The following TLN2 variants were observed in gnomAD, a reference collection of about 807,000 sequenced individuals.
The protein encoded by TLN2 is talin-2.
TLN2 carries 118 observed loss-of-function variants against 294.7 expected under a neutral mutation model. The ratio of observed to expected loss-of-function variants is 0.40; its 90% CI spans 0.34 to 0.47. The LOEUF (loss-of-function observed/expected upper bound fraction) is 0.47. Among genes scored for constraint, TLN2 ranks in the 20% least tolerant of loss-of-function variants. The probability of loss-of-function intolerance (pLI) is 0.84; values close to 1 mark genes in which losing one functional copy is unlikely to be tolerated. For missense variants in TLN2, 3,083 were observed against 3,282.2 expected, an observed-to-expected ratio of 0.94 and a Z score of 1.48; for synonymous variants, 1,431 against 1,304.5, an observed-to-expected ratio of 1.10 and a Z score of -2.09.
intron 2 of TLN2, among the ~76,000 whole-genome samples, chr15:62,606,671 G>A (rs1165434677): frequency 6.6e-6 from 1 of 152,074 alleles, no homozygotes; most frequent in Non-Finnish European, 1.5e-5. Flanking sequence ...TTTTCATCTG[G>A]ATAAGTACAG....
At position 62,644,508 on chromosome 15, in the gene TLN2, G is replaced by C. The variant is rs117815179; in HGVS notation, c.-36-2767G>C. ...ACCTCTCCACTGAATACCTCTCAAG[G>C]AAACTCACCTCCAAATCTTTGTCCC... On this transcript the variant is annotated intron_variant, in intron 3 of 58. Coordinates refer to ENST00000636159, the MANE Select transcript of TLN2 (RefSeq NM_015059.3). The C allele has an allele frequency of 4.3e-3, 1,982 of 455,968 alleles. 2 individuals carry two copies. Among genetic ancestry groups the C allele is most frequent in the Non-Finnish European group, 6.6e-3 (1,501 of 226,792 alleles). The allele number at this position is 455,968 out of a possible 1,614,324, so 28.2% of individuals were successfully genotyped here.
chr15:62,609,319 C>T (rs914319302), intron 2 of TLN2, among the ~76,000 whole-genome samples: 12 of 152,168 alleles, frequency 7.9e-5, no homozygotes, highest in African/African-American at 2.9e-4. Context: ...AAAGGATATT[C>T]TTGAACACAG....
At chr15:62,811,622 C>T (rs746326115) in intron 52 of TLN2, among the ~76,000 whole-genome samples, 17 of 152,192 alleles carry the variant, frequency 1.1e-4, no homozygotes, top group Non-Finnish European at 1.5e-4. Context: ...ATCTGGGGTG[C>T]AGTTTCCTCA....
chr15:62,393,881 C>T (rs1417002656), intron 1 of TLN2, among the ~76,000 whole-genome samples: 2 of 146,706 alleles, frequency 1.4e-5, no homozygotes, highest in Non-Finnish European at 1.5e-5. Flanking sequence ...TGGAGTCTTG[C>T]TCTGTCACCT....
intron 2 of TLN2, among the ~76,000 whole-genome samples, chr15:62,613,060 T>C (rs1157174665): frequency 6.6e-6 from 1 of 152,216 alleles, no homozygotes; most frequent in East Asian, 1.9e-4. Flanking sequence ...GTTCAAATCC[T>C]GACCCTACCG....
At chr15:62,805,398 G>A (rs1395643252) in intron 50 of TLN2, among the ~76,000 whole-genome samples, 1 of 152,210 alleles carries the variant, frequency 6.6e-6, no homozygotes, top group Non-Finnish European at 1.5e-5. Context: ...AATGTTTAGT[G>A]TAGGTGCAAG....
rs995229553 is a variant in TLN2 at position 62,651,603 on chromosome 15, G to T, written c.235-402G>T. On this transcript the variant is annotated intron_variant, in intron 5 of 58. Transcript: ENST00000636159. ...AATAACCTGTATAGCTTTCAAGCCA[G>T]TAGGGGTAGGAGGGAAGAAATGCAG... is the stretch of plus-strand genomic sequence containing the variant. Among the ~76,000 whole-genome samples the T allele has an allele frequency of 2.0e-5, 3 of 152,308 alleles. No individual in the cohort carries two copies. The East Asian group carries it at 5.8e-4, about 29-fold the overall frequency.
intron 3 of TLN2, among the ~76,000 whole-genome samples, chr15:62,620,116 C>G (rs1480787631): frequency 6.6e-6 from 1 of 152,128 alleles, no homozygotes; most frequent in Non-Finnish European, 1.5e-5. Flanking sequence ...GCTGGGACTA[C>G]AGCTGGGTTC....
chr15:62,782,765 G>C (rs903405493), intron 44 of TLN2, among the ~76,000 whole-genome samples: 1 of 152,158 alleles, frequency 6.6e-6, no homozygotes, highest in African/African-American at 2.4e-5. Flanking sequence ...CCTTAGAAAG[G>C]GTGGACATTC....
In TLN2 at chr15:62,569,680, G is replaced by A. The variant is rs144788474; in HGVS notation, c.-237-20007G>A. ...ATTGTAGCTGTGGTTGGATTTTTGT[G>A]GTAAAGGGGAATGGCTGTGGAAAAC... On this transcript the variant is annotated intron_variant, in intron 1 of 58. Coordinates refer to ENST00000636159, the MANE Select transcript of TLN2 (RefSeq NM_015059.3). Among the ~76,000 whole-genome samples the A allele has an allele frequency of 1.2e-4, 19 of 152,326 alleles. No individual in the cohort carries two copies. The East Asian group carries it at 3.3e-3, about 26-fold the overall frequency.
At chr15:62,644,236 C>G (rs1457827458) in intron 3 of TLN2, among the ~76,000 whole-genome samples, 1 of 148,876 alleles carries the variant, frequency 6.7e-6, no homozygotes, top group African/African-American at 2.5e-5. Flanking sequence ...TTTACCTGAC[C>G]TGTGACCAGC....
intron 8 of TLN2, among the ~76,000 whole-genome samples, chr15:62,656,784 T>C (rs2053261486): frequency 6.6e-6 from 1 of 152,224 alleles, no homozygotes; most frequent in Non-Finnish European, 1.5e-5. Context: ...TAAAGTTGTA[T>C]TGGAACACAG....
At chr15:62,620,064 C>G (rs1370413604) in intron 3 of TLN2, among the ~76,000 whole-genome samples, 1 of 152,176 alleles carries the variant, frequency 6.6e-6, no homozygotes, top group Non-Finnish European at 1.5e-5. Context: ...CAGACTCAAA[C>G]TCTTAGGCTC....
intron 1 of TLN2, among the ~76,000 whole-genome samples, chr15:62,557,839 C>T (rs2042695435): frequency 6.6e-6 from 1 of 152,218 alleles, no homozygotes; most frequent in Non-Finnish European, 1.5e-5. Context: ...CTGTGCCCAG[C>T]TGGGAACACT....
chr15:62,657,932 T>C lies in TLN2; in HGVS notation c.788+34T>C, dbSNP rs749795517. On this transcript the variant is annotated intron_variant, in intron 9 of 58. Transcript: ENST00000636159. ...CATTTTGTTTCTCTTTTTTCTCTTT[T>C]CTCCTGTCTTCTTTCTCTTTCAGCT... 6 of 1,586,558 alleles carry C rather than the reference T, an allele frequency of 3.8e-6. No homozygotes were observed. The South Asian group carries it at 5.8e-5, about 15-fold the overall frequency.
chr15:62,496,466 G>A (rs1452315550), intron 1 of TLN2, among the ~76,000 whole-genome samples: 1 of 152,190 alleles, frequency 6.6e-6, no homozygotes, highest in Non-Finnish European at 1.5e-5. Context: ...CAGGACTCAA[G>A]ACTGTCTACC....
intron 48 of TLN2, among the ~76,000 whole-genome samples, chr15:62,799,190 C>T (rs1488458461): frequency 6.6e-6 from 1 of 152,168 alleles, no homozygotes; most frequent in African/African-American, 2.4e-5. Context: ...GACTCTGAAT[C>T]CCAACTCTGC....
chr15:62,713,816 G>A (rs1038839615), intron 22 of TLN2, among the ~76,000 whole-genome samples: 5 of 151,552 alleles, frequency 3.3e-5, no homozygotes, highest in African/African-American at 1.2e-4. Flanking sequence ...CCCAGGGAGG[G>A]ACAGTGTCTG....
chr15:62,642,406 C>T (rs918674189), intron 3 of TLN2, among the ~76,000 whole-genome samples: 9 of 152,222 alleles, frequency 5.9e-5, no homozygotes, highest in Non-Finnish European at 1.2e-4. Context: ...GATCAGCAAT[C>T]CTAACCTCAG....
Sources: gnomAD v4.1 joint callset for allele counts (sites outside exome capture counted in the v4.1 genomes callset) on GRCh38, gnomAD v4.1.1 for gene constraint, MANE v1.5 for transcripts, NCBI Gene and HGNC (gene_info 2026-07-23, HGNC 2026-07-21) for gene names.